GLI3: variants seen among roughly 807,000 people sequenced by gnomAD.
GLI3 encodes the protein transcription activator GLI3.
Under a neutral mutation model 100.8 loss-of-function variants are expected in GLI3, and 20 were observed. The ratio of observed to expected loss-of-function variants is 0.20; its 90% confidence interval spans 0.14 to 0.29. The LOEUF is 0.29. GLI3 is among the 10% of genes least tolerant of loss of function. The probability of loss-of-function intolerance (pLI) is 1.00; values close to 1 mark genes in which losing one functional copy is unlikely to be tolerated. For missense variants in GLI3, 2,040 were observed against 2,128.5 expected (o/e 0.96, Z 0.82); for synonymous variants, 938 against 860.5 (o/e 1.09, Z -1.58).
Position 41,978,373 on chromosome 7 carries a change from G to T in GLI3, c.1647+226C>A, listed in dbSNP as rs4724086. Among the ~76,000 whole-genome samples the T allele has an allele frequency of 0.51, 77,026 of 152,072 alleles. 20,662 individuals carry two copies. Among genetic ancestry groups the T allele is most frequent in the East Asian group, 0.81 (4,204 of 5,172 alleles). On this transcript the variant is annotated intron_variant, in intron 11 of 14. Coordinates refer to ENST00000395925, the MANE Select transcript of GLI3 (RefSeq NM_000168.6). ...TGGGCTGCGGCCAGCAGGGTGGCCC[G>T]CTATTCATTCCCAGTGCCAGCCACC...
At chr7:42,227,899 AATT>A (rs777030721) in intron 1 of GLI3, among the ~76,000 whole-genome samples, 57 of 152,254 alleles carry the variant, frequency 3.7e-4, no homozygotes, top group Non-Finnish European at 6.2e-4. Context: ...TGATTATGGT[AATT>A]GTTTTGCTCA....
At chr7:42,010,217 G>A (rs906226810) in intron 10 of GLI3, among the ~76,000 whole-genome samples, 2 of 152,206 alleles carry the variant, frequency 1.3e-5, no homozygotes, top group Non-Finnish European at 2.9e-5. Context: ...GTGCCTGCAC[G>A]AGGCTCCAGA....
intron 10 of GLI3, among the ~76,000 whole-genome samples, chr7:42,003,284 G>T (rs180816940): frequency 2.4e-4 from 36 of 152,150 alleles, no homozygotes; most frequent in African/African-American, 6.7e-4. Flanking sequence ...AAGAAAGAAA[G>T]AAATGAAAGC....
chr7:42,033,755 G>C (rs575882010), intron 7 of GLI3, among the ~76,000 whole-genome samples: 23 of 152,106 alleles, frequency 1.5e-4, no homozygotes, highest in Non-Finnish European at 3.1e-4. Context: ...TGGGCCAACA[G>C]CTATCATTAC....
intron 13 of GLI3, among the ~76,000 whole-genome samples, chr7:41,970,482 A>G (rs924680004): frequency 1.3e-5 from 2 of 152,024 alleles, no homozygotes; most frequent in African/African-American, 2.4e-5. Flanking sequence ...TTTTAGTCCT[A>G]TGGTTCTAGG....
At chr7:41,990,258 G>A (rs1328091694) in intron 10 of GLI3, among the ~76,000 whole-genome samples, 2 of 152,046 alleles carry the variant, frequency 1.3e-5, no homozygotes, top group East Asian at 1.9e-4. Context: ...AGGAGCACCA[G>A]TATCTAGAAG....
At chr7:41,981,645 C>A (rs1787671247) in intron 10 of GLI3, among the ~76,000 whole-genome samples, 1 of 152,234 alleles carries the variant, frequency 6.6e-6, no homozygotes. Context: ...GGAGGGCAAA[C>A]AGCCTGCCAG....
At chr7:42,015,306 G>A (rs1464569630) in intron 10 of GLI3, among the ~76,000 whole-genome samples, 2 of 152,072 alleles carry the variant, frequency 1.3e-5, no homozygotes, top group African/African-American at 2.4e-5. Context: ...GGGTGGGGTC[G>A]GGTGGAGTTG....
chr7:42,154,158 C>T (rs550906854), intron 2 of GLI3, among the ~76,000 whole-genome samples: 118 of 152,230 alleles, frequency 7.8e-4, no homozygotes, highest in South Asian at 2.5e-3. Flanking sequence ...AGACACTCTC[C>T]CATTAAGTTT....
chr7:42,107,424 C>G (rs923167048), intron 3 of GLI3, among the ~76,000 whole-genome samples: 11 of 152,190 alleles, frequency 7.2e-5, no homozygotes, highest in Non-Finnish European at 1.3e-4. Flanking sequence ...TGCACAGAAG[C>G]ACGGAGTGTA....
intron 14 of GLI3, 55 bp downstream of exon 14, chr7:41,967,541 T>G (rs1787218318): frequency 1.6e-6 from 2 of 1,282,112 alleles, no homozygotes; most frequent in Non-Finnish European, 2.2e-6. Flanking sequence ...GGCCTGCATT[T>G]AAAAGAACAG....
At chr7:42,213,941 T>C (rs1173946273) in intron 2 of GLI3, among the ~76,000 whole-genome samples, 1 of 152,288 alleles carries the variant, frequency 6.6e-6, no homozygotes. Flanking sequence ...CCCTTAAACA[T>C]GGGTACAAAT....
At chr7:42,012,306 C>T (rs1430704028) in intron 10 of GLI3, among the ~76,000 whole-genome samples, 1 of 152,194 alleles carries the variant, frequency 6.6e-6, no homozygotes, top group Non-Finnish European at 1.5e-5. Flanking sequence ...AATCTTTCCT[C>T]TGCCGGCTTA....
At chr7:42,173,221 A>C (rs1787412256) in intron 2 of GLI3, among the ~76,000 whole-genome samples, 2 of 152,238 alleles carry the variant, frequency 1.3e-5, no homozygotes, top group Admixed American at 1.3e-4. Context: ...TCGTTGACAG[A>C]CACGGCGGGC....
At chr7:42,202,248 T>C (rs577411412) in intron 2 of GLI3, among the ~76,000 whole-genome samples, 2 of 151,852 alleles carry the variant, frequency 1.3e-5, no homozygotes, top group African/African-American at 4.8e-5. Flanking sequence ...ATTCCAAAGA[T>C]AGAGGCATTG....
chr7:42,122,996 T>C (rs1365450789), intron 3 of GLI3, among the ~76,000 whole-genome samples: 1 of 152,250 alleles, frequency 6.6e-6, no homozygotes, highest in African/African-American at 2.4e-5. Context: ...TTTATTATAT[T>C]CTACACCTCT....
intron 10 of GLI3, among the ~76,000 whole-genome samples, chr7:41,997,392 TG>T (rs1349426748): frequency 6.6e-6 from 1 of 152,198 alleles, no homozygotes; most frequent in Non-Finnish European, 1.5e-5. Flanking sequence ...TAGGCATGGC[TG>T]GGACCTAGGA....
intron 13 of GLI3, among the ~76,000 whole-genome samples, chr7:41,970,264 T>G (rs1787330224): frequency 6.6e-6 from 1 of 152,130 alleles, no homozygotes; most frequent in African/African-American, 2.4e-5. Flanking sequence ...ATTTATAGCA[T>G]GATGATCAAA....
chr7:42,100,718 G>A (rs569712622), intron 3 of GLI3, among the ~76,000 whole-genome samples: 2 of 152,250 alleles, frequency 1.3e-5, no homozygotes, highest in African/African-American at 4.8e-5. Context: ...CTCCAGTGTG[G>A]GTGACAGAGC....
Sources: gnomAD v4.1 joint callset for allele counts (sites outside exome capture counted in the v4.1 genomes callset) on GRCh38, gnomAD v4.1.1 for gene constraint, MANE v1.5 for transcripts, NCBI Gene and HGNC (gene_info 2026-07-23, HGNC 2026-07-21) for gene names.